Variants in KCNMA1 observed in about 807,000 individuals in gnomAD.
The protein encoded by KCNMA1 is potassium calcium-activated channel subfamily M alpha 1.
In KCNMA1, 29 loss-of-function variants were observed where a neutral mutation model predicts 140.0. That is an observed-to-expected ratio of 0.21 (90% confidence interval 0.15 to 0.28). The LOEUF (loss-of-function observed/expected upper bound fraction) is 0.28. KCNMA1 is among the 10% of genes least tolerant of loss of function. KCNMA1 has a pLI of 1.00. For missense variants in KCNMA1, 880 were observed against 1,602.2 expected (o/e 0.55, Z 7.70); for synonymous variants, 612 against 611.9 (o/e 1.00, Z 0.00).
chr10:77,078,613 C>T (rs2096472079), intron 13 of KCNMA1, among the ~76,000 whole-genome samples: 1 of 152,216 alleles, frequency 6.6e-6, no homozygotes, highest in Non-Finnish European at 1.5e-5. Flanking sequence ...TTACAGAGCG[C>T]ATTATGCACT....
intron 1 of KCNMA1, among the ~76,000 whole-genome samples, chr10:77,561,662 G>A (rs1287774083): frequency 6.6e-6 from 1 of 152,178 alleles, no homozygotes; most frequent in Non-Finnish European, 1.5e-5. Context: ...CAATGGGTAA[G>A]GCAGGTCCAT....
chr10:77,610,423 G>A (rs1029355257), intron 1 of KCNMA1, among the ~76,000 whole-genome samples: 1 of 152,244 alleles, frequency 6.6e-6, no homozygotes, highest in Admixed American at 6.5e-5. Flanking sequence ...TGCCCTCACT[G>A]AGCCGCAGCC....
chr10:77,385,039 G>A (rs2095554874), intron 2 of KCNMA1, among the ~76,000 whole-genome samples: 1 of 152,170 alleles, frequency 6.6e-6, no homozygotes, highest in African/African-American at 2.4e-5. Flanking sequence ...ATGGGGACAA[G>A]AGAAGAATAA....
At chr10:76,979,445 T>C (rs765759214) in intron 19 of KCNMA1, 2 of 151,848 alleles carry the variant, frequency 1.3e-5, no homozygotes, top group Non-Finnish European at 2.9e-5. Flanking sequence ...TTTGCTTACA[T>C]ATTTTGACAC....
intron 3 of KCNMA1, among the ~76,000 whole-genome samples, chr10:77,206,353 A>G (rs991900676): frequency 3.5e-4 from 53 of 152,184 alleles, no homozygotes; most frequent in African/African-American, 1.3e-3. Context: ...TCTATTTAGT[A>G]GATATGTTTA....
intron 1 of KCNMA1, among the ~76,000 whole-genome samples, chr10:77,550,313 C>T (rs897375709): frequency 2.0e-5 from 3 of 152,178 alleles, no homozygotes; most frequent in African/African-American, 7.2e-5. Flanking sequence ...TGCCTCTCTC[C>T]CAGCACCTGC....
intron 2 of KCNMA1, among the ~76,000 whole-genome samples, chr10:77,297,170 TCCTC>T (rs2075384300): frequency 6.6e-6 from 1 of 152,058 alleles, no homozygotes; most frequent in South Asian, 2.1e-4. Flanking sequence ...ATCATAACCT[TCCTC>T]TGGCTTCCAG....
At chr10:77,226,484 C>A (rs1036983207) in intron 3 of KCNMA1, among the ~76,000 whole-genome samples, 3 of 151,820 alleles carry the variant, frequency 2.0e-5, no homozygotes, top group Admixed American at 6.6e-5. Context: ...AGATCCCAGC[C>A]TCCCACCCCT....
intron 2 of KCNMA1, among the ~76,000 whole-genome samples, chr10:77,315,899 G>A (rs904234810): frequency 9.9e-5 from 15 of 152,126 alleles, no homozygotes; most frequent in Non-Finnish European, 1.6e-4. Context: ...TCTAGACTGT[G>A]GGTTCTCTGT....
chr10:77,203,538 G>C (rs1318269412), intron 3 of KCNMA1, among the ~76,000 whole-genome samples: 1 of 152,050 alleles, frequency 6.6e-6, no homozygotes, highest in Non-Finnish European at 1.5e-5. Flanking sequence ...TAATTTATTT[G>C]TTTGTGTATC....
chr10:77,185,503 T>C (rs145211142), intron 3 of KCNMA1, among the ~76,000 whole-genome samples: 1 of 152,162 alleles, frequency 6.6e-6, no homozygotes, highest in African/African-American at 2.4e-5. Flanking sequence ...GCACAGACTT[T>C]CTGTGCAGGA....
intron 1 of KCNMA1, chr10:77,634,241 A>G (rs1311694954): frequency 2.0e-6 from 2 of 985,350 alleles, no homozygotes; most frequent in South Asian, 4.7e-5. Context: ...CCCACAAGGA[A>G]AAAAACAATA....
intron 1 of KCNMA1, among the ~76,000 whole-genome samples, chr10:77,580,663 C>A (rs894711929): frequency 6.6e-6 from 1 of 152,154 alleles, no homozygotes; most frequent in Non-Finnish European, 1.5e-5. Flanking sequence ...CTTGCTCCTG[C>A]AGAAGAGCCA....
intron 13 of KCNMA1, among the ~76,000 whole-genome samples, chr10:77,074,158 G>A (rs913233627): frequency 6.6e-6 from 1 of 152,194 alleles, no homozygotes; most frequent in Non-Finnish European, 1.5e-5. Flanking sequence ...AGAAGACCTA[G>A]CTTGGCAGCA....
chr10:77,198,969 A>G (rs1294952955), intron 3 of KCNMA1, among the ~76,000 whole-genome samples: 1 of 152,208 alleles, frequency 6.6e-6, no homozygotes, highest in Non-Finnish European at 1.5e-5. Context: ...AGTGTGAATG[A>G]GCAGTGCACT....
At chr10:77,623,679 G>A (rs1018906508) in intron 1 of KCNMA1, among the ~76,000 whole-genome samples, 2 of 150,952 alleles carry the variant, frequency 1.3e-5, no homozygotes, top group Non-Finnish European at 2.9e-5. Flanking sequence ...CCCTAGCCTG[G>A]ACGACAGACC....
At chr10:77,305,501 TTGTGC>T (rs1214596582) in intron 2 of KCNMA1, among the ~76,000 whole-genome samples, 3 of 152,198 alleles carry the variant, frequency 2.0e-5, no homozygotes, top group Non-Finnish European at 4.4e-5. Context: ...CTCTCTGACC[TTGTGC>T]TGTTCCTCTT....
At chr10:77,582,876 G>A (rs2076251615) in intron 1 of KCNMA1, among the ~76,000 whole-genome samples, 1 of 152,248 alleles carries the variant, frequency 6.6e-6, no homozygotes, top group Admixed American at 6.5e-5. Flanking sequence ...AAGGCATGGG[G>A]CAAGCCACCA....
At chr10:77,177,446 T>C (rs944035996) in intron 5 of KCNMA1, among the ~76,000 whole-genome samples, 3 of 151,398 alleles carry the variant, frequency 2.0e-5, no homozygotes, top group Non-Finnish European at 4.4e-5. Context: ...TTCCTTTTCT[T>C]TTCCTTCCTC....
Sources: gnomAD v4.1 joint callset for allele counts (sites outside exome capture counted in the v4.1 genomes callset) on GRCh38, gnomAD v4.1.1 for gene constraint, MANE v1.5 for transcripts, NCBI Gene and HGNC (gene_info 2026-07-23, HGNC 2026-07-21) for gene names.